SMAP1: variants seen among roughly 807,000 people sequenced by gnomAD.
SMAP1 encodes small ArfGAP 1.
SMAP1 carries 24 observed loss-of-function variants against 58.5 expected under a neutral mutation model. The observed-to-expected ratio is 0.41, with a 90% CI of 0.30 to 0.58. SMAP1 has a LOEUF of 0.58. SMAP1 is among the 20% of genes least tolerant of loss of function. The pLI is 0.29. For synonymous variants in SMAP1, 216 were observed against 196.6 expected (o/e 1.10, Z -0.82); for missense variants, 563 against 566.3 (o/e 0.99, Z 0.06).
intron 6 of SMAP1, among the ~76,000 whole-genome samples, chr6:70,820,614 G>A (rs1769844136): frequency 6.6e-6 from 1 of 152,046 alleles, no homozygotes; most frequent in African/African-American, 2.4e-5. Context: ...GCTGAAGCAG[G>A]GGAATTGCTG....
intron 4 of SMAP1, among the ~76,000 whole-genome samples, chr6:70,786,928 TC>T (rs1287121723): frequency 1.3e-5 from 2 of 152,146 alleles, no homozygotes; most frequent in South Asian, 2.1e-4. Context: ...CTGACTTTCT[TC>T]ACAGAATTGG....
intron 1 of SMAP1, among the ~76,000 whole-genome samples, chr6:70,720,289 C>T (rs990295072): frequency 1.1e-4 from 17 of 152,130 alleles, no homozygotes; most frequent in African/African-American, 3.6e-4. Flanking sequence ...GGTCTTGCAT[C>T]GAGGTTATGC....
chr6:70,826,393 A>AT (rs5877261), intron 6 of SMAP1, among the ~76,000 whole-genome samples: 2,319 of 144,850 alleles, frequency 0.016, 26 homozygotes, highest in African/African-American at 0.03. Flanking sequence ...ATTCAAAAGG[A>AT]TTTTTTTTTT....
chr6:70,805,575 A>T (rs1276748541), intron 6 of SMAP1, among the ~76,000 whole-genome samples: 1 of 152,126 alleles, frequency 6.6e-6, no homozygotes, highest in Non-Finnish European at 1.5e-5. Flanking sequence ...TTTGGAAGAG[A>T]AGAGGGGCTC....
chr6:70,827,627 G>A (rs1233284473), intron 6 of SMAP1, among the ~76,000 whole-genome samples: 1 of 152,218 alleles, frequency 6.6e-6, no homozygotes, highest in Non-Finnish European at 1.5e-5. Context: ...CCATAACACT[G>A]GAAGATTTTC....
intron 1 of SMAP1, among the ~76,000 whole-genome samples, chr6:70,690,261 A>G (rs746758286): frequency 1.3e-5 from 2 of 152,262 alleles, no homozygotes; most frequent in Non-Finnish European, 2.9e-5. Flanking sequence ...AATTTTATCA[A>G]ATGCTTTTCT....
At chr6:70,856,763 C>CCTAT (rs1771441791) in intron 8 of SMAP1, 96 bp from the exon 9 acceptor site, 7 of 1,262,308 alleles carry the variant, frequency 5.5e-6, no homozygotes, top group South Asian at 5.3e-5. Context: ...TTGTTTGATT[C>CCTAT]CTATCTAATT....
At chr6:70,856,711 TGTAA>T in intron 8 of SMAP1, 144 bp from the exon 9 acceptor site, 1 of 697,682 alleles carries the variant, frequency 1.4e-6, no homozygotes, top group Non-Finnish European at 2.3e-6. Context: ...GGCTTGGGCT[TGTAA>T]GTGATCCTCT....
chr6:70,798,665 G>GA lies in SMAP1; in HGVS notation c.504_505insA (p.Glu169ArgfsTer23). The GA allele has an allele frequency of 1.3e-6, 2 of 1,487,898 alleles. No homozygotes were observed. The highest frequency in any genetic ancestry group is 1.8e-6 in the Non-Finnish European group (2 of 1,118,620). 92.2% of individuals were successfully genotyped at this position (1,487,898 alleles called of 1,614,324 possible). ...TTTGGGCTGTGTTTTAGAAAGAAAA[G>GA]GAAAAAAAAAAGGAAGAGAAAAAGA... On this transcript the variant is annotated frameshift_variant, in exon 6 of 11. Coordinates refer to ENST00000370455, the MANE Select transcript of SMAP1 (RefSeq NM_001044305.3). LOFTEE classifies it high-confidence loss of function.
At chr6:70,763,169 C>A (rs1434838693) in intron 3 of SMAP1, among the ~76,000 whole-genome samples, 3 of 118,692 alleles carry the variant, frequency 2.5e-5, no homozygotes, top group African/African-American at 3.4e-5. Context: ...CAAAGCAAGT[C>A]TGTTGGCGCC....
At chr6:70,806,939 C>G (rs1055517698) in intron 6 of SMAP1, among the ~76,000 whole-genome samples, 2 of 152,172 alleles carry the variant, frequency 1.3e-5, no homozygotes, top group Non-Finnish European at 2.9e-5. Context: ...CTTCTGGTTT[C>G]AAGCCCTGTG....
chr6:70,698,095 G>A (rs1767485863), intron 1 of SMAP1, among the ~76,000 whole-genome samples: 1 of 152,146 alleles, frequency 6.6e-6, no homozygotes, highest in African/African-American at 2.4e-5. Context: ...CATGTCTGGT[G>A]TTGATGAAAT....
intron 6 of SMAP1, among the ~76,000 whole-genome samples, chr6:70,818,973 G>C (rs1189716701): frequency 6.6e-6 from 1 of 152,014 alleles, no homozygotes; most frequent in Non-Finnish European, 1.5e-5. Context: ...GTCAGTTTTA[G>C]AACACTTTCA....
chr6:70,760,956 T>C (rs774136198), intron 3 of SMAP1, among the ~76,000 whole-genome samples: 1 of 152,054 alleles, frequency 6.6e-6, no homozygotes, highest in Non-Finnish European at 1.5e-5. Flanking sequence ...TATTTTGTCT[T>C]ATCTAAAAAA....
intron 6 of SMAP1, among the ~76,000 whole-genome samples, chr6:70,806,589 T>A (rs1184935483): frequency 2.0e-5 from 3 of 152,202 alleles, no homozygotes; most frequent in African/African-American, 7.2e-5. Context: ...TCTGCGTCGA[T>A]CATGCTAGGA....
intron 7 of SMAP1, among the ~76,000 whole-genome samples, chr6:70,838,936 A>G (rs1770703370): frequency 6.6e-6 from 1 of 152,122 alleles, no homozygotes; most frequent in Admixed American, 6.6e-5. Flanking sequence ...ATGACATTAC[A>G]AGATGTTTAG....
At chr6:70,802,293 C>T (rs549596441) in intron 6 of SMAP1, among the ~76,000 whole-genome samples, 1 of 152,144 alleles carries the variant, frequency 6.6e-6, no homozygotes. Flanking sequence ...AATGGGAATT[C>T]ACTCATGATT....
chr6:70,702,473 G>T (rs1767673259), intron 1 of SMAP1, among the ~76,000 whole-genome samples: 1 of 151,482 alleles, frequency 6.6e-6, no homozygotes, highest in African/African-American at 2.4e-5. Flanking sequence ...TTTTCTTCTT[G>T]ATTGTCTCAT....
chr6:70,684,313 G>A (rs1475860160), intron 1 of SMAP1, among the ~76,000 whole-genome samples: 15 of 152,196 alleles, frequency 9.9e-5, no homozygotes, highest in Admixed American at 7.2e-4. Context: ...TAGATGGAAA[G>A]CACTAGAGCA....
Sources: allele counts gnomAD v4.1 joint callset (sites outside exome capture counted in the v4.1 genomes callset), GRCh38; gene constraint gnomAD v4.1.1; transcripts MANE v1.5; gene names NCBI Gene and HGNC (gene_info 2026-07-23, HGNC 2026-07-21).